The following SPINK6 variants were observed in gnomAD, a reference collection of about 807,000 sequenced individuals.
The protein encoded by SPINK6 is serine peptidase inhibitor Kazal type 6, also known as serine protease inhibitor Kazal-type 6.
SPINK6 carries 13 observed loss-of-function variants against 11.7 expected under a neutral mutation model. The ratio of observed to expected loss-of-function variants is 1.11; its 90% confidence interval spans 0.72 to 1.76. The LOEUF (loss-of-function observed/expected upper bound fraction) is 1.76. SPINK6 is among the 40% of genes most tolerant of loss of function. SPINK6 has a pLI of 0.00. For missense variants in SPINK6, 98 were observed against 93.7 expected, an observed-to-expected ratio of 1.05 and a Z score of -0.19; for synonymous variants, 21 against 31.9, an observed-to-expected ratio of 0.66 and a Z score of 1.15.
At chr5:148,204,868 C>G (rs1275176451) in intron 1 of SPINK6, among the ~76,000 whole-genome samples, 4 of 152,050 alleles carry the variant, frequency 2.6e-5, no homozygotes, top group South Asian at 2.1e-4. Flanking sequence ...CAGATTTGTA[C>G]AGTGGAGACT....
intron 2 of SPINK6, among the ~76,000 whole-genome samples, chr5:148,208,406 G>A (rs1755527438): frequency 6.6e-6 from 1 of 152,178 alleles, no homozygotes; most frequent in South Asian, 2.1e-4. Flanking sequence ...ATCATTAGGA[G>A]CATGCTTGCT....
intron 2 of SPINK6, among the ~76,000 whole-genome samples, chr5:148,212,565 A>AT (rs1561733651): frequency 6.2e-5 from 5 of 80,930 alleles, no homozygotes; most frequent in African/African-American, 2.2e-4. Context: ...TTTATATAAT[A>AT]TATATTATAT....
intron 2 of SPINK6, among the ~76,000 whole-genome samples, chr5:148,212,498 AAAG>A (rs1386293807): frequency 1.5e-5 from 2 of 129,370 alleles, no homozygotes; most frequent in African/African-American, 6.1e-5. Context: ...ATATATATAT[AAAG>A]TATATATTTT....
chr5:148,209,978 A>ATGTATGTATACATACACACGTACGTG (rs1561732111), intron 2 of SPINK6, among the ~76,000 whole-genome samples: 18 of 130,836 alleles, frequency 1.4e-4, no homozygotes, highest in African/African-American at 5.2e-4. Flanking sequence ...ATACGTACGT[A>ATGTATGTATACATACACACGTACGTG]TGTATGTATA....
chr5:148,202,851 G>A, upstream of SPINK6: 2 of 382,770 alleles, frequency 5.2e-6, no homozygotes, highest in Non-Finnish European at 9.3e-6. Flanking sequence ...GGAAAATGTA[G>A]GCTACCAGTA....
chr5:148,214,578 A>G (rs1398614297), intron 3 of SPINK6, among the ~76,000 whole-genome samples: 1 of 152,216 alleles, frequency 6.6e-6, no homozygotes, highest in African/African-American at 2.4e-5. Context: ...TTCTGTCAGA[A>G]AAAAACTATA....
chr5:148,204,485 T>A (rs1016274014), intron 1 of SPINK6, among the ~76,000 whole-genome samples: 1 of 150,096 alleles, frequency 6.7e-6, no homozygotes, highest in African/African-American at 2.5e-5. Context: ...TTCACAGACA[T>A]ACTAGATAGT....
At chr5:148,207,676 T>C (rs1581140833) in intron 2 of SPINK6, among the ~76,000 whole-genome samples, 1 of 151,980 alleles carries the variant, frequency 6.6e-6, no homozygotes, top group East Asian at 1.9e-4. Context: ...ACTAAAAATA[T>C]AAAAATTAGC....
At chr5:148,212,479 T>TA (rs1358420774) in intron 2 of SPINK6, among the ~76,000 whole-genome samples, 1,437 of 29,074 alleles carry the variant, frequency 0.049, 36 homozygotes, top group African/African-American at 0.068. Context: ...ATACATATTT[T>TA]TTATATATAT....
At chr5:148,212,486 A>ATATATATATAAAGTATATAT (rs1755611372) in intron 2 of SPINK6, among the ~76,000 whole-genome samples, 1 of 29,824 alleles carries the variant, frequency 3.4e-5, no homozygotes, top group South Asian at 1.4e-3. Context: ...TTTTTTATAT[A>ATATATATATAAAGTATATAT]TATATATATA....
intron 2 of SPINK6, among the ~76,000 whole-genome samples, chr5:148,210,206 A>G (rs184561810): frequency 2.8e-5 from 4 of 142,530 alleles, no homozygotes; most frequent in African/African-American, 1.0e-4. Context: ...ATGCATATGT[A>G]TTTCTGCATG....
intron 2 of SPINK6, among the ~76,000 whole-genome samples, chr5:148,210,047 CATATATGTAT>C (rs1755561695): frequency 1.1e-5 from 1 of 88,720 alleles, no homozygotes; most frequent in Admixed American, 1.4e-4. Flanking sequence ...CGTATGTATG[CATATATGTAT>C]GTATATGTAT....
At chr5:148,209,955 T>C (rs550527989) in intron 2 of SPINK6, among the ~76,000 whole-genome samples, 1 of 143,346 alleles carries the variant, frequency 7.0e-6, no homozygotes. Flanking sequence ...GTTTCATATA[T>C]ATGTATACAT....
chr5:148,206,125 A>G (rs1344310057), intron 2 of SPINK6, 67 bp downstream of exon 2: 13 of 1,573,412 alleles, frequency 8.3e-6, no homozygotes, highest in East Asian at 2.2e-5. Flanking sequence ...ACTGGCCAAA[A>G]AGAAATTTGT....
chr5:148,215,023 C>A lies in SPINK6; in HGVS notation c.*73C>A. On this transcript the variant is annotated 3_prime_UTR_variant, in exon 4 of 4. Transcript: ENST00000325630. ...TTTCTCACTTCTGCTTATACTTTTG[C>A]TGGTGGATTCCTTTAATTCATAAAG... 6.9e-7 allele frequency: 1 copy of A among 1,447,122 alleles called. No homozygotes were observed. The highest frequency in any genetic ancestry group is 9.7e-7 in the Non-Finnish European group (1 of 1,031,790). 89.6% of individuals were successfully genotyped at this position (1,447,122 alleles called of 1,614,324 possible). A position where few individuals can be genotyped will look rare whatever the true frequency, so the allele number is the denominator to read the frequency against.
chr5:148,206,789 C>A (rs1183467172), intron 2 of SPINK6, among the ~76,000 whole-genome samples: 1 of 152,110 alleles, frequency 6.6e-6, no homozygotes, highest in Non-Finnish European at 1.5e-5. Flanking sequence ...GTTCCTTTGT[C>A]CATATTAAGC....
intron 1 of SPINK6, among the ~76,000 whole-genome samples, chr5:148,205,452 C>A (rs1367798291): frequency 6.6e-6 from 1 of 152,080 alleles, no homozygotes; most frequent in Non-Finnish European, 1.5e-5. Context: ...GATCTTTTCC[C>A]TTTTTAGGAA....
intron 2 of SPINK6, 144 bp downstream of exon 2, chr5:148,206,202 T>C: frequency 1.3e-6 from 1 of 757,448 alleles, no homozygotes; most frequent in Non-Finnish European, 2.2e-6. Context: ...AAATTATTAT[T>C]CTTTAACTAA....
At chr5:148,202,973 T>A (rs1410206440), upstream of SPINK6, 1 of 614,462 alleles carries the variant, frequency 1.6e-6, no homozygotes, top group Non-Finnish European at 2.8e-6. Flanking sequence ...GCAGGCCCCA[T>A]TAAATGCATA....
Sources: allele counts gnomAD v4.1 joint callset (sites outside exome capture counted in the v4.1 genomes callset), GRCh38; gene constraint gnomAD v4.1.1; transcripts MANE v1.5; gene names NCBI Gene and HGNC (gene_info 2026-07-23, HGNC 2026-07-21).